Variants in ZP3 observed in about 807,000 individuals in gnomAD.
The protein encoded by ZP3 is zona pellucida sperm-binding protein 3.
In ZP3, 21 loss-of-function variants were observed where a neutral mutation model predicts 35.6. The ratio of observed to expected loss-of-function variants is 0.59; its 90% confidence interval spans 0.42 to 0.85. The LOEUF (loss-of-function observed/expected upper bound fraction) is 0.85. Ranked by LOEUF, ZP3 falls within the 40% of genes least tolerant of loss-of-function variation. The pLI, the probability that ZP3 is intolerant of heterozygous loss-of-function variation, is 0.00. For missense variants in ZP3, 437 were observed against 536.5 expected (o/e 0.81, Z 1.83); for synonymous variants, 207 against 214.5 (o/e 0.96, Z 0.31).
At chr7:76,426,892 ACACACACACACACAC>A (rs1475822429) in intron 1 of ZP3, among the ~76,000 whole-genome samples, 44 of 134,826 alleles carry the variant, frequency 3.3e-4, no homozygotes, top group Non-Finnish European at 6.1e-4. Context: ...ACACACACAC[ACACACACACACACAC>A]AATAGGGTGT....
At chr7:76,433,380 C>T (rs1805894585) in intron 3 of ZP3, 90 bp from the exon 4 acceptor site, 2 of 1,439,504 alleles carry the variant, frequency 1.4e-6, no homozygotes, top group African/African-American at 1.4e-5. Context: ...GTCTCGAACT[C>T]CTGACCTCAG....
chr7:76,404,620 C>G (rs1432409540), intron 1 of ZP3: 2 of 799,214 alleles, frequency 2.5e-6, no homozygotes, highest in Non-Finnish European at 3.9e-6. Flanking sequence ...AGTGAGACCC[C>G]CATCTCTACA....
At chr7:76,413,281 G>C (rs1007793154) in intron 1 of ZP3, among the ~76,000 whole-genome samples, 1 of 151,232 alleles carries the variant, frequency 6.6e-6, no homozygotes, top group African/African-American at 2.4e-5. Context: ...TTGAGACAGG[G>C]TCTTGCTTTG....
chr7:76,412,910 T>G (rs183884099), intron 1 of ZP3, among the ~76,000 whole-genome samples: 244 of 150,090 alleles, frequency 1.6e-3, no homozygotes, highest in African/African-American at 5.7e-3. Context: ...TAACCACACA[T>G]CCCTATACAT....
intron 1 of ZP3, among the ~76,000 whole-genome samples, chr7:76,426,058 A>G (rs996400424): frequency 6.7e-6 from 1 of 149,076 alleles, no homozygotes; most frequent in East Asian, 2.0e-4. Flanking sequence ...ACTCCAGCCT[A>G]GGCAACAGAG....
intron 7 of ZP3, among the ~76,000 whole-genome samples, 184 bp downstream of exon 7, chr7:76,440,795 C>T (rs1806174806): frequency 6.9e-6 from 1 of 145,810 alleles, no homozygotes; most frequent in Non-Finnish European, 1.5e-5. Flanking sequence ...AGCCTTCCAC[C>T]TCGGTGGCAG....
At chr7:76,441,337 C>G (rs1806192796) in intron 7 of ZP3, among the ~76,000 whole-genome samples, 3 of 149,766 alleles carry the variant, frequency 2.0e-5, no homozygotes, top group African/African-American at 7.4e-5. Flanking sequence ...TAGGGAATCC[C>G]TCTTGGGTGA....
intron 1 of ZP3, among the ~76,000 whole-genome samples, chr7:76,398,459 C>T (rs1014735544): frequency 2.6e-5 from 4 of 152,046 alleles, no homozygotes; most frequent in Non-Finnish European, 5.9e-5. Flanking sequence ...AATATGCCAC[C>T]ACGCCTGGCT....
At chr7:76,415,477 GATTTT>G (rs1036405427) in intron 1 of ZP3, among the ~76,000 whole-genome samples, 2 of 150,842 alleles carry the variant, frequency 1.3e-5, no homozygotes, top group East Asian at 3.9e-4. Flanking sequence ...TCTTATTTTA[GATTTT>G]ATTTTATTTT....
intron 1 of ZP3, among the ~76,000 whole-genome samples, chr7:76,408,290 T>C (rs1431246956): frequency 1.3e-5 from 2 of 152,108 alleles, no homozygotes; most frequent in African/African-American, 4.8e-5. Flanking sequence ...CAACACCCCA[T>C]TCATGGGGCC....
intron 1 of ZP3, among the ~76,000 whole-genome samples, chr7:76,417,258 C>T (rs1443100816): frequency 2.6e-5 from 4 of 151,996 alleles, no homozygotes; most frequent in East Asian, 1.9e-4. Flanking sequence ...AGGGTTTCTC[C>T]GTGTTGGTCA....
At chr7:76,439,394 G>A (rs1353022732) in intron 5 of ZP3, among the ~76,000 whole-genome samples, 1 of 152,068 alleles carries the variant, frequency 6.6e-6, no homozygotes. Flanking sequence ...ATGGGCGCGG[G>A]TTTAGCAATG....
intron 1 of ZP3, 28 bp downstream of exon 1, chr7:76,425,304 G>T (rs1336702740): frequency 1.9e-6 from 3 of 1,579,674 alleles, no homozygotes; most frequent in African/African-American, 2.7e-5. Flanking sequence ...CCCTGGCTTT[G>T]GTGGGAGGAT....
At chr7:76,421,435 G>A (rs1361378052), upstream of ZP3, among the ~76,000 whole-genome samples, 2 of 151,746 alleles carry the variant, frequency 1.3e-5, no homozygotes, top group African/African-American at 4.8e-5. Flanking sequence ...CTTTGATTTT[G>A]TAGAGATGGG....
chr7:76,404,429 T>G (rs753320618), intron 1 of ZP3: 2 of 1,614,070 alleles, frequency 1.2e-6, no homozygotes, highest in Admixed American at 3.3e-5. Flanking sequence ...CATCTCTGCT[T>G]CCTTGTGCAT....
In ZP3 at chr7:76,436,666, A is replaced by G. The variant is rs1388703275; in HGVS notation, c.831+2511A>G. 3.3e-5 allele frequency among the ~76,000 whole-genome samples: 5 copies of G among 152,378 alleles called. 1 individual carries two copies. The highest frequency in any genetic ancestry group is 4.1e-4 in the South Asian group (2 of 4,832). On this transcript the variant is annotated intron_variant, in intron 5 of 7. Coordinates refer to ENST00000394857, the MANE Select transcript of ZP3 (RefSeq NM_001110354.2). ...AGCTCTCAGTGGTGGGCCCTGCTTC[A>G]GTGGGGCTGGGGATAAAGGAGGGCA...
intron 1 of ZP3, among the ~76,000 whole-genome samples, chr7:76,407,177 T>C (rs1584036132): frequency 6.6e-6 from 1 of 152,130 alleles, no homozygotes; most frequent in African/African-American, 2.4e-5. Context: ...ACCTGGCTGG[T>C]CTGGAACTCC....
intron 1 of ZP3, among the ~76,000 whole-genome samples, chr7:76,426,699 A>G (rs184425409): frequency 2.0e-5 from 3 of 151,754 alleles, no homozygotes; most frequent in African/African-American, 7.3e-5. Context: ...GATAAGTGGT[A>G]TTTTTTTGTT....
intron 1 of ZP3, among the ~76,000 whole-genome samples, chr7:76,416,484 G>A (rs950814224): frequency 3.3e-5 from 5 of 151,798 alleles, no homozygotes; most frequent in Non-Finnish European, 7.4e-5. Context: ...GCTACAGTCA[G>A]GGTCACATGC....
Sources: gnomAD v4.1 joint callset for allele counts (sites outside exome capture counted in the v4.1 genomes callset) on GRCh38, gnomAD v4.1.1 for gene constraint, MANE v1.5 for transcripts, NCBI Gene and HGNC (gene_info 2026-07-23, HGNC 2026-07-21) for gene names.